The following HELLS variants were observed in gnomAD, a reference collection of about 807,000 sequenced individuals.
The protein encoded by HELLS is lymphoid-specific helicase.
HELLS carries 32 observed loss-of-function variants against 120.0 expected under a neutral mutation model. That is an observed-to-expected ratio of 0.27 (90% confidence interval 0.20 to 0.36). The LOEUF (loss-of-function observed/expected upper bound fraction) is 0.36, where lower values mean the gene tolerates loss of function less well. Ranked by LOEUF, HELLS falls within the 10% of genes least tolerant of loss-of-function variation. The pLI is 1.00. For missense variants in HELLS, 650 were observed against 993.4 expected (o/e 0.65, Z 4.65); for synonymous variants, 341 against 323.4 (o/e 1.05, Z -0.58).
exon 10 of HELLS, chr10:94,611,080 G>A (rs1354443418): frequency 1.3e-5 from 2 of 152,190 alleles, no homozygotes; most frequent in African/African-American, 4.8e-5. Flanking sequence ...GGCACAACAT[G>A]TATTTCTCTG....
chr10:94,590,591 G>C (rs772822491), intron 14 of HELLS, 39 bp downstream of exon 14: 3 of 1,609,668 alleles, frequency 1.9e-6, no homozygotes, highest in South Asian at 1.1e-5. Flanking sequence ...TCTTTAAACT[G>C]TGACCATTTT....
At chr10:94,588,629 C>G (rs1230184299) in intron 13 of HELLS, among the ~76,000 whole-genome samples, 1 of 152,098 alleles carries the variant, frequency 6.6e-6, no homozygotes, top group African/African-American at 2.4e-5. Context: ...AGTCCACCCA[C>G]CTTGGCCTCC....
At chr10:94,578,527 G>A (rs1844635523) in intron 10 of HELLS, among the ~76,000 whole-genome samples, 1 of 151,990 alleles carries the variant, frequency 6.6e-6, no homozygotes, top group Admixed American at 6.6e-5. Flanking sequence ...TGGCCAACAT[G>A]GTGAAACCAC....
chr10:94,548,825 C>A (rs1420505706), intron 2 of HELLS, among the ~76,000 whole-genome samples: 1 of 152,110 alleles, frequency 6.6e-6, no homozygotes, highest in African/African-American at 2.4e-5. Context: ...GAAACCCCGT[C>A]TCTACTAAAA....
intron 13 of HELLS, among the ~76,000 whole-genome samples, chr10:94,589,603 C>A (rs1845360858): frequency 6.6e-6 from 1 of 151,788 alleles, no homozygotes; most frequent in Non-Finnish European, 1.5e-5. Context: ...ACACTATAAA[C>A]CTACGTATTT....
downstream of HELLS, among the ~76,000 whole-genome samples, chr10:94,603,039 C>G (rs992328335): frequency 6.6e-6 from 1 of 152,196 alleles, no homozygotes; most frequent in Non-Finnish European, 1.5e-5. Context: ...AGAAAAGAAT[C>G]TTTAAAAGTT....
intron 11 of HELLS, among the ~76,000 whole-genome samples, chr10:94,582,520 A>G (rs1045277701): frequency 6.6e-6 from 1 of 152,192 alleles, no homozygotes; most frequent in Non-Finnish European, 1.5e-5. Flanking sequence ...ATTGGGAAGG[A>G]ATAAGCATGT....
chr10:94,574,379 T>C, intron 8 of HELLS, 175 bp from the exon 9 acceptor site: 1 of 697,632 alleles, frequency 1.4e-6, no homozygotes, highest in Non-Finnish European at 2.4e-6. Flanking sequence ...CTTCCAGCAC[T>C]TTTATGGCTT....
At chr10:94,584,393 T>C (rs998208636) in intron 12 of HELLS, among the ~76,000 whole-genome samples, 3 of 152,204 alleles carry the variant, frequency 2.0e-5, no homozygotes, top group African/African-American at 7.2e-5. Context: ...TAAAATTTTC[T>C]TTTTTTCCCA....
chr10:94,611,857 T>C (rs928041309), exon 10 of HELLS: 2 of 152,184 alleles, frequency 1.3e-5, no homozygotes, highest in African/African-American at 4.8e-5. Context: ...TGGATTTTAG[T>C]TGCTGCTCTG....
At chr10:94,564,618 CT>C (rs1204255793) in intron 6 of HELLS, among the ~76,000 whole-genome samples, 3 of 151,340 alleles carry the variant, frequency 2.0e-5, no homozygotes, top group East Asian at 3.9e-4. Context: ...CACATTCTTC[CT>C]TTTTTTTTCT....
intron 13 of HELLS, among the ~76,000 whole-genome samples, chr10:94,589,934 G>C (rs1845391822): frequency 1.3e-5 from 2 of 151,860 alleles, no homozygotes; most frequent in African/African-American, 4.8e-5. Flanking sequence ...TGATCTGCCC[G>C]CCTCGGCCTC....
rs549578637 is a variant in HELLS, at chr10:94,585,722, C to T, written c.1327-2507C>T. Among the ~76,000 whole-genome samples, 8 of 149,708 alleles carry T rather than the reference C, an allele frequency of 5.3e-5. No individual in the cohort carries two copies. The East Asian group carries it at 1.2e-3, about 22-fold the overall frequency. ...TTTTTTTTTTAGAGACAATGTCCTA[C>T]TATGACATCCAGGCAGGAGAGTAGT... On this transcript the variant is annotated intron_variant, in intron 12 of 21. Transcript: ENST00000348459.
chr10:94,569,604 G>A (rs1389139490), intron 6 of HELLS: 1 of 151,956 alleles, frequency 6.6e-6, no homozygotes, highest in Non-Finnish European at 1.5e-5. Context: ...GGGGCTTGCT[G>A]TATTGACGAG....
intron 15 of HELLS, among the ~76,000 whole-genome samples, chr10:94,591,911 T>C (rs1249907042): frequency 6.6e-6 from 1 of 152,232 alleles, no homozygotes; most frequent in Non-Finnish European, 1.5e-5. Flanking sequence ...AATAACTCAC[T>C]TATAAAGAAT....
chr10:94,592,954 A>T (rs981984010), intron 17 of HELLS, among the ~76,000 whole-genome samples: 1 of 152,184 alleles, frequency 6.6e-6, no homozygotes, highest in Admixed American at 6.5e-5. Flanking sequence ...TTCAGCATTT[A>T]ATCCTGGTTT....
Position 94,574,014 on chromosome 10 carries a change from G to C in HELLS, c.532G>C (p.Asp178His). ...LCVEDLQKNKDSNSIIKDRLS... is the reference protein window; with the variant it reads ...LCVEDLQKNKHSNSIIKDRLS... The stretch of plus-strand genomic sequence containing the variant: ...TGTGGAAGATCTTCAGAAAAATAAA[G>C]ATTCGAATAGTATAATTAAAGATAG... The change falls in exon 8 of 22, where the codon GAT becomes CAT. Residue 178 changes from aspartate (D) to histidine (H), a missense_variant. Coordinates refer to ENST00000348459, the MANE Select transcript of HELLS (RefSeq NM_018063.5). 6.2e-7 allele frequency: 1 copy of C among 1,611,208 alleles called. No individual in the cohort carries two copies. Among genetic ancestry groups the C allele is most frequent in the Non-Finnish European group, 8.5e-7 (1 of 1,177,468 alleles).
At chr10:94,553,203 T>C (rs1843068459) in intron 2 of HELLS, among the ~76,000 whole-genome samples, 6 of 152,054 alleles carry the variant, frequency 3.9e-5, no homozygotes, top group Admixed American at 3.9e-4. Context: ...AACAAGGTAA[T>C]ATAATAACAC....
At chr10:94,585,191 C>T (rs1215712461) in intron 12 of HELLS, among the ~76,000 whole-genome samples, 2 of 151,570 alleles carry the variant, frequency 1.3e-5, no homozygotes, top group South Asian at 2.1e-4. Flanking sequence ...GCAGTATAAC[C>T]TTTACAAATT....
Sources: gnomAD v4.1 joint callset for allele counts (sites outside exome capture counted in the v4.1 genomes callset) on GRCh38, gnomAD v4.1.1 for gene constraint, MANE v1.5 for transcripts, NCBI Gene and HGNC (gene_info 2026-07-23, HGNC 2026-07-21) for gene names.